PDE3A: variants seen among roughly 807,000 people sequenced by gnomAD.
PDE3A encodes the protein cGMP-inhibited 3',5'-cyclic phosphodiesterase 3A.
Under a neutral mutation model 98.3 loss-of-function variants are expected in PDE3A, and 43 were observed. The ratio of observed to expected loss-of-function variants is 0.44; its 90% CI spans 0.34 to 0.56. The LOEUF (loss-of-function observed/expected upper bound fraction) is 0.56, where lower values mean the gene tolerates loss of function less well. PDE3A is among the 20% of genes least tolerant of loss of function. The probability of loss-of-function intolerance (pLI) is 0.01; values close to 1 mark genes in which losing one functional copy is unlikely to be tolerated. For synonymous variants in PDE3A, 663 were observed against 567.9 expected (o/e 1.17, Z -2.38); for missense variants, 1,427 against 1,440.7 (o/e 0.99, Z 0.15).
At chr12:20,544,196 T>G (rs1270460152) in intron 1 of PDE3A, among the ~76,000 whole-genome samples, 3 of 149,448 alleles carry the variant, frequency 2.0e-5, no homozygotes, top group Non-Finnish European at 4.5e-5. Context: ...AAATATATAT[T>G]TTATATGTGT....
intron 1 of PDE3A, among the ~76,000 whole-genome samples, chr12:20,413,329 A>AT (rs992564077): frequency 1.1e-4 from 16 of 151,998 alleles, no homozygotes; most frequent in African/African-American, 2.7e-4. Context: ...GCAACCCACC[A>AT]TTTTTTTTGT....
chr12:20,616,685 A>G (rs1275516366), intron 4 of PDE3A, among the ~76,000 whole-genome samples: 1 of 152,178 alleles, frequency 6.6e-6, no homozygotes, highest in Non-Finnish European at 1.5e-5. Flanking sequence ...TTTTATCTAC[A>G]TTGAGATTCA....
At chr12:20,522,169 C>T (rs533815374) in intron 1 of PDE3A, among the ~76,000 whole-genome samples, 1 of 152,218 alleles carries the variant, frequency 6.6e-6, no homozygotes, top group East Asian at 1.9e-4. Context: ...CTTAAGTTTA[C>T]CCTACAGCAT....
At chr12:20,521,739 T>G (rs2121153610) in intron 1 of PDE3A, among the ~76,000 whole-genome samples, 1 of 152,208 alleles carries the variant, frequency 6.6e-6, no homozygotes, top group South Asian at 2.1e-4. Flanking sequence ...GGGAAGGTAC[T>G]AGGTTCAAGA....
chr12:20,603,695 TC>T (rs1264017779), intron 2 of PDE3A, among the ~76,000 whole-genome samples: 2 of 152,092 alleles, frequency 1.3e-5, no homozygotes, highest in Non-Finnish European at 2.9e-5. Context: ...ACACAATCTT[TC>T]TCAACAACAA....
intron 2 of PDE3A, among the ~76,000 whole-genome samples, chr12:20,561,946 A>G (rs1942534515): frequency 1.3e-5 from 2 of 152,166 alleles, no homozygotes; most frequent in South Asian, 4.1e-4. Context: ...GCTCACTCAT[A>G]GCTTTCTGGC....
intron 1 of PDE3A, among the ~76,000 whole-genome samples, chr12:20,471,687 A>G (rs1945442790): frequency 6.6e-6 from 1 of 152,178 alleles, no homozygotes; most frequent in Non-Finnish European, 1.5e-5. Context: ...TTGATTTTCT[A>G]GGATGTTTGG....
At chr12:20,465,036 A>G (rs1287394301) in intron 1 of PDE3A, among the ~76,000 whole-genome samples, 1 of 152,190 alleles carries the variant, frequency 6.6e-6, no homozygotes, top group Non-Finnish European at 1.5e-5. Context: ...GCCGTTGTGC[A>G]TAACTCCTGT....
rs549614593 is a variant in PDE3A at position 20,561,028 on chromosome 12, C to T, written c.1011+4318C>T. ...TTGTAATCCCGGCACTTTGGGAGGC[C>T]GAGGCAGGTGGCACCTGAGGTCAGG... On this transcript the variant is annotated intron_variant, in intron 2 of 15. Coordinates refer to ENST00000359062, the MANE Select transcript of PDE3A (RefSeq NM_000921.5). Among the ~76,000 whole-genome samples the T allele has an allele frequency of 9.9e-5, 13 of 131,858 alleles. No homozygotes were observed. The East Asian group carries it at 2.1e-3, about 22-fold the overall frequency. 86.5% of individuals were successfully genotyped at this position (131,858 alleles called of 152,430 possible).
At chr12:20,474,435 T>C (rs918463402) in intron 1 of PDE3A, among the ~76,000 whole-genome samples, 3 of 152,244 alleles carry the variant, frequency 2.0e-5, no homozygotes, top group Non-Finnish European at 4.4e-5. Context: ...AATTTTAATG[T>C]ATGTGGATTA....
intron 1 of PDE3A, among the ~76,000 whole-genome samples, chr12:20,495,588 A>G (rs1050097310): frequency 1.6e-4 from 24 of 152,054 alleles, no homozygotes; most frequent in Middle Eastern, 3.4e-3. Flanking sequence ...ATTTTTTTCT[A>G]TGGCTATTAC....
intron 15 of PDE3A, among the ~76,000 whole-genome samples, chr12:20,667,654 T>C (rs1945350201): frequency 6.6e-6 from 1 of 152,220 alleles, no homozygotes; most frequent in Non-Finnish European, 1.5e-5. Context: ...AACACCATGC[T>C]GTTTTGTTTA....
At chr12:20,387,256 C>T (rs1467513526) in intron 1 of PDE3A, among the ~76,000 whole-genome samples, 3 of 151,802 alleles carry the variant, frequency 2.0e-5, no homozygotes, top group African/African-American at 4.8e-5. Context: ...GCTGTGTGGG[C>T]TCTTTTTTTT....
chr12:20,633,242 A>G (rs1036649390), intron 6 of PDE3A, among the ~76,000 whole-genome samples: 10 of 152,104 alleles, frequency 6.6e-5, no homozygotes, highest in African/African-American at 2.4e-4. Context: ...TGAGCCCATA[A>G]TGAGCTTTTA....
chr12:20,449,210 A>C (rs891819321), intron 1 of PDE3A, among the ~76,000 whole-genome samples: 10 of 152,226 alleles, frequency 6.6e-5, no homozygotes, highest in African/African-American at 2.4e-4. Flanking sequence ...GAAGATTGGA[A>C]TATAGAGGAA....
At chr12:20,497,097 A>G (rs1001572277) in intron 1 of PDE3A, among the ~76,000 whole-genome samples, 3 of 152,144 alleles carry the variant, frequency 2.0e-5, no homozygotes, top group African/African-American at 7.2e-5. Context: ...TCTTCTCAAA[A>G]AGCCAGTCAA....
At position 20,504,337 on chromosome 12, in the gene PDE3A, GAGTCTGATACATTTT is replaced by G. The variant is rs561917325; in HGVS notation, c.961-52320_961-52306del. On this transcript the variant is annotated intron_variant, in intron 1 of 15. Coordinates refer to ENST00000359062, the MANE Select transcript of PDE3A (RefSeq NM_000921.5). ...TAGTTTTCTTTAATCCTGAATGCTGGAGTCTGATACATTTTAGACTTTCAGTGAATATTTCTTGAA... is the reference window on the plus strand; with the variant it reads ...TAGTTTTCTTTAATCCTGAATGCTGGAGACTTTCAGTGAATATTTCTTGAA... Among the ~76,000 whole-genome samples the G allele has an allele frequency of 5.6e-3, 851 of 151,368 alleles. 1 individual carries two copies. Among genetic ancestry groups the G allele is most frequent in the Non-Finnish European group, 9.0e-3 (612 of 67,790 alleles).
At chr12:20,386,530 G>T (rs1943810681) in intron 1 of PDE3A, among the ~76,000 whole-genome samples, 1 of 150,846 alleles carries the variant, frequency 6.6e-6, no homozygotes, top group African/African-American at 2.4e-5. Context: ...TGGTAGAGTT[G>T]GGGTTTCACC....
chr12:20,482,374 C>G (rs1945646554), intron 1 of PDE3A, among the ~76,000 whole-genome samples: 1 of 151,974 alleles, frequency 6.6e-6, no homozygotes, highest in African/African-American at 2.4e-5. Context: ...GTGCTTTTCT[C>G]TTGAATGAGC....
Sources: gnomAD v4.1 joint callset for allele counts (sites outside exome capture counted in the v4.1 genomes callset) on GRCh38, gnomAD v4.1.1 for gene constraint, MANE v1.5 for transcripts, NCBI Gene and HGNC (gene_info 2026-07-23, HGNC 2026-07-21) for gene names.